Variants in NUP210L observed in about 807,000 individuals in gnomAD.
NUP210L encodes nuclear pore membrane glycoprotein 210-like.
A neutral mutation model predicts 208.5 loss-of-function variants in NUP210L; 74 were observed. The ratio of observed to expected loss-of-function variants is 0.35; its 90% CI spans 0.29 to 0.43. The LOEUF (loss-of-function observed/expected upper bound fraction) is 0.43. Ranked by LOEUF, NUP210L falls within the 20% of genes least tolerant of loss-of-function variation. The probability of loss-of-function intolerance (pLI) is 1.00; values close to 1 mark genes in which losing one functional copy is unlikely to be tolerated. For missense variants in NUP210L, 1,843 were observed against 2,289.4 expected, an observed-to-expected ratio of 0.81 and a Z score of 3.98; for synonymous variants, 780 against 816.9, an observed-to-expected ratio of 0.95 and a Z score of 0.77.
chr1:154,022,025 A>G, intron 32 of NUP210L, 101 bp downstream of exon 32: 1 of 1,072,120 alleles, frequency 9.3e-7, no homozygotes, highest in Non-Finnish European at 1.4e-6. Context: ...ATAAACCACT[A>G]TACCAGTCCA....
chr1:154,038,547 G>A (rs1652691189), intron 27 of NUP210L, among the ~76,000 whole-genome samples: 1 of 151,978 alleles, frequency 6.6e-6, no homozygotes, highest in Non-Finnish European at 1.5e-5. Context: ...GTTTCACCAT[G>A]TTGGTCAGGC....
chr1:154,025,415 T>C (rs890209652), intron 30 of NUP210L, 127 bp downstream of exon 30: 2 of 537,984 alleles, frequency 3.7e-6, no homozygotes, highest in African/African-American at 3.9e-5. Flanking sequence ...CTAATTCTTT[T>C]CTTTTTCTTT....
intron 37 of NUP210L, chr1:153,995,667 C>T: frequency 1.5e-6 from 2 of 1,323,088 alleles, no homozygotes; most frequent in Non-Finnish European, 2.1e-6. Context: ...GTAGGCTTTC[C>T]TACAATACAG....
At chr1:154,055,546 T>G (rs1185032964) in intron 23 of NUP210L, among the ~76,000 whole-genome samples, 6 of 151,868 alleles carry the variant, frequency 4.0e-5, no homozygotes, top group Non-Finnish European at 8.8e-5. Context: ...CTACCACGCC[T>G]GTCCATGCCT....
chr1:154,000,740 C>A, intron 37 of NUP210L, 116 bp downstream of exon 37: 2 of 819,528 alleles, frequency 2.4e-6, no homozygotes, highest in Non-Finnish European at 4.0e-6. Flanking sequence ...ATTTTTGGAC[C>A]GTGGTTGACA....
chr1:154,132,109 G>A (rs1658292162), intron 7 of NUP210L, among the ~76,000 whole-genome samples: 1 of 152,026 alleles, frequency 6.6e-6, no homozygotes, highest in Admixed American at 6.6e-5. Flanking sequence ...GCCCATCCTT[G>A]GTTTTTCTAT....
chr1:154,145,481 A>G (rs1480283124), intron 2 of NUP210L, among the ~76,000 whole-genome samples: 1 of 152,172 alleles, frequency 6.6e-6, no homozygotes, highest in Non-Finnish European at 1.5e-5. Flanking sequence ...TAATACAGGT[A>G]AATGGCCCTC....
At chr1:154,037,828 G>A (rs1296994780) in intron 27 of NUP210L, among the ~76,000 whole-genome samples, 1 of 152,076 alleles carries the variant, frequency 6.6e-6, no homozygotes, top group Admixed American at 6.6e-5. Context: ...ATGTTGGCAA[G>A]GCTTGTCTCG....
intron 25 of NUP210L, among the ~76,000 whole-genome samples, 178 bp from the exon 26 acceptor site, chr1:154,046,547 A>G (rs941146037): frequency 6.6e-6 from 1 of 152,256 alleles, no homozygotes; most frequent in African/African-American, 2.4e-5. Flanking sequence ...GTGTCCATCA[A>G]CAAACAAATG....
chr1:154,015,722 AAC>A (rs372823301), intron 33 of NUP210L, among the ~76,000 whole-genome samples: 8,870 of 144,212 alleles, frequency 0.062, 328 homozygotes, highest in Non-Finnish European at 0.095. Context: ...TCTGTCTCAA[AAC>A]ACACACACAC....
chr1:154,052,184 GT>G (rs1653542267), intron 25 of NUP210L, among the ~76,000 whole-genome samples: 1 of 152,200 alleles, frequency 6.6e-6, no homozygotes, highest in Admixed American at 6.5e-5. Flanking sequence ...AGTGAGATCC[GT>G]TAGCAAAAAG....
intron 6 of NUP210L, among the ~76,000 whole-genome samples, chr1:154,136,958 G>A (rs1273423308): frequency 3.6e-5 from 5 of 139,268 alleles, no homozygotes; most frequent in Admixed American, 1.5e-4. Context: ...GTAACTTTTA[G>A]TATCAACAGA....
At chr1:154,022,523 C>G (rs1037895127) in intron 31 of NUP210L, among the ~76,000 whole-genome samples, 180 bp from the exon 32 acceptor site, 8 of 151,324 alleles carry the variant, frequency 5.3e-5, no homozygotes, top group African/African-American at 1.9e-4. Flanking sequence ...GTATAGTTCC[C>G]AGGAAGGCTT....
chr1:154,069,160 C>A (rs1654574192), intron 17 of NUP210L, among the ~76,000 whole-genome samples: 1 of 151,998 alleles, frequency 6.6e-6, no homozygotes, highest in Admixed American at 6.6e-5. Flanking sequence ...ACTAAAACAC[C>A]AAAAGCAATG....
Position 154,058,629 on chromosome 1 carries a change from C to T in NUP210L, c.2915G>A (p.Gly972Asp), listed in dbSNP as rs1653992920. Reference sequence around the variant, plus strand: ...CACCCTGAGGTGGGCTGTTGCTGGACCCAAGAAAGCCAAACAAAGATCATA... The same window carrying T: ...CACCCTGAGGTGGGCTGTTGCTGGATCCAAGAAAGCCAAACAAAGATCATA... Residue 972 changes from glycine (G) to aspartate (D), a missense_variant, in exon 21 of 40, where the codon GGT becomes GAT. Transcript: ENST00000368559. 9.9e-6 allele frequency: 16 copies of T among 1,613,810 alleles called. No individual in the cohort carries two copies. In the East Asian group the frequency reaches 3.6e-4, roughly 36 times the overall value.
At chr1:154,045,118 T>C (rs944052422) in intron 27 of NUP210L, among the ~76,000 whole-genome samples, 2 of 152,102 alleles carry the variant, frequency 1.3e-5, no homozygotes, top group Non-Finnish European at 2.9e-5. Context: ...CTTAAACTTG[T>C]CGTTGATATA....
At chr1:154,071,203 C>A (rs1654708115) in intron 16 of NUP210L, among the ~76,000 whole-genome samples, 1 of 151,666 alleles carries the variant, frequency 6.6e-6, no homozygotes, top group African/African-American at 2.4e-5. Flanking sequence ...CTCAAGCCAT[C>A]CTCCCAATTC....
chr1:154,058,556 A>G lies in NUP210L; in HGVS notation c.2979+9T>C, dbSNP rs367832757. Reference sequence around the variant, plus strand: ...GCTTAATTTCTGAGATAAAACAAACATGTCTCACCTTATCAATCAGATCAA... The same window carrying G: ...GCTTAATTTCTGAGATAAAACAAACGTGTCTCACCTTATCAATCAGATCAA... On this transcript the variant is annotated intron_variant, in intron 21 of 39. Coordinates refer to ENST00000368559, the Ensembl canonical transcript of NUP210L. 1.1e-5 allele frequency: 17 copies of G among 1,606,404 alleles called. No individual in the cohort carries two copies. The South Asian group carries it at 1.3e-4, about 13-fold the overall frequency.
In NUP210L at chr1:154,027,600, A is replaced by G; in HGVS notation, c.3856-3T>C. The G allele has an allele frequency of 6.2e-7, 1 of 1,603,142 alleles. No homozygotes were observed. The highest frequency in any genetic ancestry group is 8.5e-7 in the Non-Finnish European group (1 of 1,171,384). On this transcript the variant is annotated splice_polypyrimidine_tract_variant and splice_region_variant and intron_variant, in intron 28 of 39. Transcript: ENST00000368559. The stretch of plus-strand genomic sequence containing the variant: ...AAGAGTTGGAGTTTTTCAAACACCT[A>G]TAATGAGAAAATGTTTTCCTCATTT...
Sources: allele counts gnomAD v4.1 joint callset (sites outside exome capture counted in the v4.1 genomes callset), GRCh38; gene constraint gnomAD v4.1.1; transcripts MANE v1.5; gene names NCBI Gene and HGNC (gene_info 2026-07-23, HGNC 2026-07-21).